Variants in SEMA6A observed in about 807,000 individuals in gnomAD.
SEMA6A encodes semaphorin-6A.
Under a neutral mutation model 96.8 loss-of-function variants are expected in SEMA6A, and 25 were observed. The observed-to-expected ratio is 0.26, with a 90% CI of 0.19 to 0.36. SEMA6A has a LOEUF of 0.36. SEMA6A is among the 10% of genes least tolerant of loss of function. The pLI, the probability that SEMA6A is intolerant of heterozygous loss-of-function variation, is 1.00. For missense variants in SEMA6A, 1,363 were observed against 1,323.1 expected, an observed-to-expected ratio of 1.03 and a Z score of -0.47; for synonymous variants, 612 against 518.0, an observed-to-expected ratio of 1.18 and a Z score of -2.46.
chr5:116,479,568 G>T (rs551485681), intron 12 of SEMA6A, among the ~76,000 whole-genome samples: 2 of 152,148 alleles, frequency 1.3e-5, no homozygotes, highest in Non-Finnish European at 2.9e-5. Context: ...GAACTGCTTG[G>T]AAATAAGCTC....
intron 1 of SEMA6A, among the ~76,000 whole-genome samples, chr5:116,563,217 C>T (rs925465199): frequency 1.7e-4 from 26 of 152,276 alleles, no homozygotes; most frequent in African/African-American, 6.0e-4. Context: ...CACTCAAAAT[C>T]CCATTCAATC....
chr5:116,477,512 TATCCTA>T (rs1375914623), intron 15 of SEMA6A, among the ~76,000 whole-genome samples: 2 of 152,228 alleles, frequency 1.3e-5, no homozygotes, highest in Non-Finnish European at 2.9e-5. Context: ...ATCTAATTGG[TATCCTA>T]TTGCTCCTTT....
At position 116,491,734 on chromosome 5, in the gene SEMA6A, G is replaced by T; in HGVS notation, c.535+6C>A. The T allele has an allele frequency of 6.2e-7, 1 of 1,611,024 alleles. No homozygotes were observed. Among genetic ancestry groups the T allele is most frequent in the Non-Finnish European group, 8.5e-7 (1 of 1,177,328 alleles). ...AAGTGCAACGAGGAGAAATCAGGTC[G>T]CTTACCTGCAAACAGTGCAACGTTG... On this transcript the variant is annotated splice_donor_region_variant and intron_variant, in intron 7 of 18. Coordinates refer to ENST00000343348, the MANE Select transcript of SEMA6A (RefSeq NM_020796.5).
At chr5:116,496,384 C>T in intron 4 of SEMA6A, 71 bp from the exon 5 acceptor site, 5 of 1,328,824 alleles carry the variant, frequency 3.8e-6, no homozygotes, top group Non-Finnish European at 5.4e-6. Flanking sequence ...GTAAGAGTTC[C>T]CTTGGGGAGA....
intron 11 of SEMA6A, among the ~76,000 whole-genome samples, chr5:116,481,316 A>T (rs1475300969): frequency 5.9e-5 from 9 of 152,142 alleles, no homozygotes; most frequent in Admixed American, 5.9e-4. Context: ...TGCTAGAAGG[A>T]ACTATCTAGA....
chr5:116,478,320 GTATC>G lies in SEMA6A; in HGVS notation c.1428-170_1428-167del, dbSNP rs778507273. 5.5e-4 allele frequency: 439 copies of G among 795,704 alleles called. 1 individual carries two copies. Among genetic ancestry groups the G allele is most frequent in the Non-Finnish European group, 7.6e-4 (383 of 506,622 alleles). The allele number at this position is 795,704 out of a possible 1,614,324, so 49.3% of individuals were successfully genotyped here. A position where few individuals can be genotyped will look rare whatever the true frequency, so the allele number is the denominator to read the frequency against. On this transcript the variant is annotated intron_variant, in intron 13 of 18. Transcript: ENST00000343348. ...CACACGTAAACACACACATGTATAT[GTATC>G]TATATAAACACACACACATATATGT...
At chr5:116,476,957 A>G (rs1354641688) in intron 15 of SEMA6A, among the ~76,000 whole-genome samples, 1 of 152,222 alleles carries the variant, frequency 6.6e-6, no homozygotes, top group Non-Finnish European at 1.5e-5. Context: ...GGTAGTGGTC[A>G]TCAGATATGC....
chr5:116,502,383 C>G, intron 2 of SEMA6A, 56 bp from the exon 3 acceptor site: 2 of 1,492,968 alleles, frequency 1.3e-6, no homozygotes, highest in Middle Eastern at 2.0e-4. Flanking sequence ...CAGGAATTGA[C>G]AGGGTAGGGA....
At chr5:116,547,268 A>G (rs1364686435) in intron 1 of SEMA6A, among the ~76,000 whole-genome samples, 1 of 152,202 alleles carries the variant, frequency 6.6e-6, no homozygotes, top group East Asian at 1.9e-4. Context: ...GAAATATCTC[A>G]TATTCAATTT....
chr5:116,475,577 C>T lies in SEMA6A; in HGVS notation c.1676G>A (p.Arg559His), dbSNP rs17432496. 52,903 of 1,602,076 alleles carry T rather than the reference C, an allele frequency of 0.033. 1,056 individuals are homozygous for T. Among genetic ancestry groups the T allele is most frequent in the Non-Finnish European group, 0.04 (46,866 of 1,173,326 alleles). Residue 559 changes from arginine (R) to histidine (H), a missense_variant, in exon 16 of 19, where the codon CGT (arginine) becomes CAT (histidine). By Grantham distance (29) the Arg-to-His change is conservative. This residue lies in a region of SEMA6A where 883 missense variants were observed against 763.6 expected (regional missense o/e 1.16). Transcript: ENST00000343348. ...SRLTFEQDIERGNTDGLGDCH... is the reference protein window; with the variant it reads ...SRLTFEQDIEHGNTDGLGDCH... ...GTCCCCCAGACCATCTGTATTGCCA[C>T]GCTCTATGTCCTGCTCAAAAGTCAG...
intron 18 of SEMA6A, among the ~76,000 whole-genome samples, chr5:116,454,958 A>C (rs146352465): frequency 6.6e-6 from 1 of 152,236 alleles, no homozygotes; most frequent in Non-Finnish European, 1.5e-5. Flanking sequence ...TGGCTGTTTA[A>C]TGTCCTGAAT....
chr5:116,571,561 C>T (rs1274315425), intron 1 of SEMA6A, among the ~76,000 whole-genome samples: 1 of 152,148 alleles, frequency 6.6e-6, no homozygotes, highest in African/African-American at 2.4e-5. Flanking sequence ...CATTCAAGAA[C>T]GTCCCAAAAC....
intron 5 of SEMA6A, chr5:116,495,873 G>T: frequency 3.0e-6 from 1 of 334,358 alleles, no homozygotes; most frequent in Non-Finnish European, 5.5e-6. Flanking sequence ...GTTGTTATAT[G>T]ACCACAGGCA....
chr5:116,481,547 T>TG (rs1467819602), intron 11 of SEMA6A, among the ~76,000 whole-genome samples: 4 of 152,154 alleles, frequency 2.6e-5, no homozygotes, highest in Admixed American at 6.5e-5. Context: ...AGGTATGTTG[T>TG]GGGGAGGACT....
intron 17 of SEMA6A, chr5:116,472,721 G>C: frequency 3.5e-6 from 2 of 570,910 alleles, no homozygotes; most frequent in Non-Finnish European, 5.9e-6. Context: ...CACATAGGCA[G>C]AGTAATTTTT....
At chr5:116,507,200 A>G (rs1254824772) in intron 1 of SEMA6A, among the ~76,000 whole-genome samples, 1 of 152,212 alleles carries the variant, frequency 6.6e-6, no homozygotes, top group East Asian at 1.9e-4. Context: ...TTATATCATC[A>G]GGTAGTTAAC....
chr5:116,446,398 T>C lies in SEMA6A; in HGVS notation c.*215A>G. 2.2e-6 allele frequency: 1 copy of C among 463,062 alleles called. No individual in the cohort carries two copies. The highest frequency in any genetic ancestry group is 3.8e-6 in the Non-Finnish European group (1 of 264,714). 28.7% of individuals were successfully genotyped at this position (463,062 alleles called of 1,614,324 possible). A position where few individuals can be genotyped will look rare whatever the true frequency, so the allele number is the denominator to read the frequency against. On this transcript the variant is annotated 3_prime_UTR_variant, in exon 19 of 19. Transcript: ENST00000343348. The stretch of plus-strand genomic sequence containing the variant: ...TGTGGGGGAAAGTGAAGGAAGAGAA[T>C]GAAGGTGAGTCCCCGCCGTTGCAAA...
intron 18 of SEMA6A, among the ~76,000 whole-genome samples, chr5:116,463,180 T>C (rs1755524557): frequency 6.6e-6 from 1 of 152,136 alleles, no homozygotes; most frequent in East Asian, 1.9e-4. Flanking sequence ...AACACCAAAC[T>C]GAGACTTTTC....
intron 17 of SEMA6A, chr5:116,468,378 C>T (rs1221681892): frequency 6.6e-6 from 1 of 152,238 alleles, no homozygotes; most frequent in Non-Finnish European, 1.5e-5. Flanking sequence ...GATCTATTCC[C>T]ACTGTCTTTT....
Sources: allele counts gnomAD v4.1 joint callset (sites outside exome capture counted in the v4.1 genomes callset), GRCh38; gene constraint gnomAD v4.1.1; regional missense constraint gnomAD v4.1.1; transcripts MANE v1.5; gene names NCBI Gene and HGNC (gene_info 2026-07-23, HGNC 2026-07-21).